LHFPL6: variants seen among roughly 807,000 people sequenced by gnomAD.
LHFPL6 encodes the protein LHFPL tetraspan subfamily member 6 protein.
A neutral mutation model predicts 20.6 loss-of-function variants in LHFPL6; 9 were observed. The observed-to-expected ratio is 0.44, with a 90% confidence interval of 0.26 to 0.76. The LOEUF is 0.76. Among genes scored for constraint, LHFPL6 ranks in the 30% least tolerant of loss-of-function variants. The pLI is 0.20. For missense variants in LHFPL6, 218 were observed against 253.5 expected, an observed-to-expected ratio of 0.86 and a Z score of 0.95; for synonymous variants, 105 against 98.7, an observed-to-expected ratio of 1.06 and a Z score of -0.38.
chr13:39,380,946 C>A (rs1424466182), intron 2 of LHFPL6, among the ~76,000 whole-genome samples: 2 of 152,058 alleles, frequency 1.3e-5, no homozygotes, highest in African/African-American at 4.8e-5. Flanking sequence ...GGAAAATAGG[C>A]CCAGGGCTCT....
At chr13:39,478,520 T>C (rs894856990) in intron 2 of LHFPL6, among the ~76,000 whole-genome samples, 5 of 152,176 alleles carry the variant, frequency 3.3e-5, no homozygotes, top group African/African-American at 4.8e-5. Context: ...TAATTTTTTG[T>C]GTCAACTTGA....
At chr13:39,386,379 CA>C (rs202135349) in intron 2 of LHFPL6, among the ~76,000 whole-genome samples, 16 of 150,364 alleles carry the variant, frequency 1.1e-4, no homozygotes, top group East Asian at 3.9e-4. Context: ...CTTTAGTCTA[CA>C]AAAAAAAAGG....
chr13:39,559,319 G>A (rs1871400765), intron 2 of LHFPL6, among the ~76,000 whole-genome samples: 1 of 152,212 alleles, frequency 6.6e-6, no homozygotes, highest in African/African-American at 2.4e-5. Flanking sequence ...GATGGGAGTT[G>A]ATCAGAGGAG....
At chr13:39,595,191 T>G (rs556904682) in intron 2 of LHFPL6, among the ~76,000 whole-genome samples, 18 of 152,318 alleles carry the variant, frequency 1.2e-4, no homozygotes, top group Middle Eastern at 6.8e-3. Flanking sequence ...GTTCTCTATA[T>G]TATAAAAGAT....
chr13:39,400,782 CAAAAAAAAAAAAAAAA>C (rs34833321), intron 2 of LHFPL6, among the ~76,000 whole-genome samples: 16 of 53,494 alleles, frequency 3.0e-4, no homozygotes, highest in Non-Finnish European at 4.7e-4. Flanking sequence ...GACTCCGTCT[CAAAAAAAAAAAAAAAA>C]AAAAAAAAAA....
At chr13:39,440,841 C>T (rs895040868) in intron 2 of LHFPL6, among the ~76,000 whole-genome samples, 1 of 152,136 alleles carries the variant, frequency 6.6e-6, no homozygotes, top group Non-Finnish European at 1.5e-5. Flanking sequence ...CAGATCTTTC[C>T]TGCCCTGCGC....
chr13:39,344,344 C>T (rs1869333615), intron 3 of LHFPL6, among the ~76,000 whole-genome samples: 1 of 152,110 alleles, frequency 6.6e-6, no homozygotes, highest in African/African-American at 2.4e-5. Flanking sequence ...ATGGCAGCAA[C>T]CAGGATAGGA....
intron 2 of LHFPL6, among the ~76,000 whole-genome samples, chr13:39,547,313 C>G (rs1344853320): frequency 2.0e-5 from 3 of 152,098 alleles, no homozygotes; most frequent in African/African-American, 4.8e-5. Context: ...TTCCTTATGT[C>G]TATTTCACCC....
chr13:39,430,851 CA>C (rs1871776595), intron 2 of LHFPL6, among the ~76,000 whole-genome samples: 1 of 152,184 alleles, frequency 6.6e-6, no homozygotes, highest in Non-Finnish European at 1.5e-5. Flanking sequence ...TGCGCAGGAT[CA>C]AATAAGGGAA....
intron 2 of LHFPL6, among the ~76,000 whole-genome samples, chr13:39,519,094 G>A (rs1870021501): frequency 6.6e-6 from 1 of 152,100 alleles, no homozygotes; most frequent in Non-Finnish European, 1.5e-5. Context: ...AAATTAGCAG[G>A]GCGTGGTGGT....
intron 3 of LHFPL6, among the ~76,000 whole-genome samples, chr13:39,378,108 T>C (rs951012910): frequency 1.3e-5 from 2 of 152,216 alleles, no homozygotes; most frequent in South Asian, 4.1e-4. Context: ...CTGCAAATTC[T>C]ACAGAATTAT....
chr13:39,386,395 G>A (rs1213842365), intron 2 of LHFPL6, among the ~76,000 whole-genome samples: 1 of 152,116 alleles, frequency 6.6e-6, no homozygotes, highest in Admixed American at 6.5e-5. Context: ...AAAAGGCTTG[G>A]TTGCATTCTA....
chr13:39,422,586 C>CAAAAAA (rs11311637), intron 2 of LHFPL6, among the ~76,000 whole-genome samples: 1 of 118,802 alleles, frequency 8.4e-6, no homozygotes, highest in African/African-American at 3.4e-5. Context: ...AACTCCAACT[C>CAAAAAA]AAAAAAAAAA....
At chr13:39,412,157 T>C (rs532313014) in intron 2 of LHFPL6, among the ~76,000 whole-genome samples, 11 of 152,360 alleles carry the variant, frequency 7.2e-5, no homozygotes, top group African/African-American at 2.6e-4. Context: ...TTTATTACCA[T>C]GGTCCCACCT....
At chr13:39,453,581 T>G (rs1380002377) in intron 2 of LHFPL6, among the ~76,000 whole-genome samples, 1 of 152,238 alleles carries the variant, frequency 6.6e-6, no homozygotes, top group African/African-American at 2.4e-5. Context: ...AGGCAAGTAT[T>G]AGTACCCCAG....
intron 2 of LHFPL6, among the ~76,000 whole-genome samples, chr13:39,457,107 A>G (rs571502118): frequency 2.6e-5 from 4 of 152,276 alleles, no homozygotes; most frequent in Admixed American, 2.6e-4. Flanking sequence ...GCCAAATTAG[A>G]CAAAGATTTC....
At chr13:39,590,483 C>T (rs946182089) in intron 2 of LHFPL6, among the ~76,000 whole-genome samples, 20 of 152,194 alleles carry the variant, frequency 1.3e-4, no homozygotes, top group African/African-American at 4.8e-4. Flanking sequence ...TCACTTAAGG[C>T]TGATGCTTCA....
intron 2 of LHFPL6, among the ~76,000 whole-genome samples, chr13:39,541,086 T>C (rs1870781887): frequency 6.6e-6 from 1 of 152,172 alleles, no homozygotes. Context: ...TCCAGAAATG[T>C]AGCCAGTGTT....
intron 3 of LHFPL6, among the ~76,000 whole-genome samples, chr13:39,371,945 T>G (rs1229355085): frequency 6.6e-6 from 1 of 152,214 alleles, no homozygotes; most frequent in African/African-American, 2.4e-5. Flanking sequence ...AAGCCACAAG[T>G]GCCAAACGCT....
Sources: allele counts gnomAD v4.1 joint callset (sites outside exome capture counted in the v4.1 genomes callset), GRCh38; gene constraint gnomAD v4.1.1; transcripts MANE v1.5; gene names NCBI Gene and HGNC (gene_info 2026-07-23, HGNC 2026-07-21).